Variants in FBXL7 observed in about 807,000 individuals in gnomAD.
The protein encoded by FBXL7 is F-box and leucine rich repeat protein 7.
FBXL7 carries 12 observed loss-of-function variants against 38.3 expected under a neutral mutation model. The ratio of observed to expected loss-of-function variants is 0.31; its 90% CI spans 0.20 to 0.51. The LOEUF (loss-of-function observed/expected upper bound fraction) is 0.51. FBXL7 is among the 20% of genes least tolerant of loss of function. The probability of loss-of-function intolerance (pLI) is 0.98; values close to 1 mark genes in which losing one functional copy is unlikely to be tolerated. For synonymous variants in FBXL7, 297 were observed against 300.9 expected, an observed-to-expected ratio of 0.99 and a Z score of 0.13; for missense variants, 567 against 676.4, an observed-to-expected ratio of 0.84 and a Z score of 1.79.
At chr5:15,617,882 C>T (rs1740506820) in intron 2 of FBXL7, among the ~76,000 whole-genome samples, 1 of 152,172 alleles carries the variant, frequency 6.6e-6, no homozygotes, top group African/African-American at 2.4e-5. Flanking sequence ...ACTCTTGTCA[C>T]CATAACTTGT....
At chr5:15,886,343 G>A (rs1740678482) in intron 2 of FBXL7, among the ~76,000 whole-genome samples, 1 of 152,042 alleles carries the variant, frequency 6.6e-6, no homozygotes, top group East Asian at 1.9e-4. Context: ...AACACAGGCA[G>A]GGGAAAGGCT....
intron 2 of FBXL7, among the ~76,000 whole-genome samples, chr5:15,641,554 G>C (rs1256320311): frequency 6.6e-6 from 1 of 151,046 alleles, no homozygotes; most frequent in Non-Finnish European, 1.5e-5. Context: ...AACTTGACCA[G>C]GTCATAGAGT....
intron 2 of FBXL7, among the ~76,000 whole-genome samples, chr5:15,647,031 C>T (rs1741552882): frequency 6.6e-6 from 1 of 152,136 alleles, no homozygotes; most frequent in Non-Finnish European, 1.5e-5. Context: ...TCTCTGATTA[C>T]CATTTCTGGT....
At chr5:15,904,183 G>C (rs116612058) in intron 2 of FBXL7, among the ~76,000 whole-genome samples, 1 of 152,004 alleles carries the variant, frequency 6.6e-6, no homozygotes, top group African/African-American at 2.4e-5. Flanking sequence ...TAAAGATGTC[G>C]TCTTGTGTTT....
intron 2 of FBXL7, among the ~76,000 whole-genome samples, chr5:15,846,934 GA>G (rs566200438): frequency 5.3e-5 from 8 of 151,690 alleles, no homozygotes; most frequent in African/African-American, 9.7e-5. Flanking sequence ...AAAATTATAA[GA>G]AAAAAATGTT....
chr5:15,700,461 T>C (rs868602070), intron 2 of FBXL7, among the ~76,000 whole-genome samples: 15 of 152,206 alleles, frequency 9.9e-5, no homozygotes, highest in Middle Eastern at 3.2e-3. Flanking sequence ...TAATTCCAAT[T>C]GCATGTCCTT....
intron 2 of FBXL7, among the ~76,000 whole-genome samples, chr5:15,820,237 C>T (rs949573156): frequency 6.6e-6 from 1 of 152,150 alleles, no homozygotes; most frequent in African/African-American, 2.4e-5. Flanking sequence ...ACATTCACCA[C>T]ACACTCCCAC....
chr5:15,913,459 G>A (rs77088723), intron 2 of FBXL7, among the ~76,000 whole-genome samples: 2,272 of 152,200 alleles, frequency 0.015, 45 homozygotes, highest in African/African-American at 0.05. Context: ...TTACATGGTC[G>A]TAAGTTTAGT....
rs141952586 is a variant in FBXL7 at position 15,637,153 on chromosome 5, T to A, written c.127+21081T>A. Among the ~76,000 whole-genome samples, 665 of 152,286 alleles carry A rather than the reference T, an allele frequency of 4.4e-3. 4 individuals are homozygous for A. Among genetic ancestry groups the A allele is most frequent in the African/African-American group, 0.015 (635 of 41,562 alleles). On this transcript the variant is annotated intron_variant, in intron 2 of 3. Transcript: ENST00000504595. The stretch of plus-strand genomic sequence containing the variant: ...TGTCAGAAGTTAGAAAAAATAATGA[T>A]AGCAAAGACTTTAAAATAAAAAATA...
intron 1 of FBXL7, among the ~76,000 whole-genome samples, chr5:15,568,356 A>C (rs1738655664): frequency 6.6e-6 from 1 of 152,090 alleles, no homozygotes; most frequent in South Asian, 2.1e-4. Context: ...GATGATGAGC[A>C]TTTTTTCATG....
intron 2 of FBXL7, among the ~76,000 whole-genome samples, chr5:15,916,646 A>C (rs1289162972): frequency 2.0e-5 from 3 of 152,206 alleles, no homozygotes; most frequent in Non-Finnish European, 2.9e-5. Flanking sequence ...ACCATATCCG[A>C]GGAAAACAAA....
intron 2 of FBXL7, among the ~76,000 whole-genome samples, chr5:15,849,365 T>C (rs746956394): frequency 6.6e-6 from 1 of 152,250 alleles, no homozygotes; most frequent in Non-Finnish European, 1.5e-5. Flanking sequence ...AATTCCTTGA[T>C]ATGGTTTGCT....
chr5:15,842,275 A>G (rs754601567), intron 2 of FBXL7, among the ~76,000 whole-genome samples: 2 of 152,214 alleles, frequency 1.3e-5, no homozygotes, highest in African/African-American at 2.4e-5. Flanking sequence ...GAACTTGAAG[A>G]TTTAATGACT....
chr5:15,913,632 T>C (rs537224435), intron 2 of FBXL7, among the ~76,000 whole-genome samples: 21 of 152,352 alleles, frequency 1.4e-4, no homozygotes, highest in African/African-American at 4.6e-4. Context: ...AACGTTGGAA[T>C]TTTGTAACTA....
intron 1 of FBXL7, among the ~76,000 whole-genome samples, chr5:15,574,511 A>G (rs1379208922): frequency 6.6e-6 from 1 of 152,250 alleles, no homozygotes; most frequent in East Asian, 1.9e-4. Flanking sequence ...TTAGATTAAG[A>G]CTAAAAATAA....
chr5:15,694,884 G>A (rs16867566), intron 2 of FBXL7, among the ~76,000 whole-genome samples: 8,348 of 152,216 alleles, frequency 0.055, 735 homozygotes, highest in African/African-American at 0.19. Context: ...CCAGCTAGAA[G>A]AACAGCCGAG....
chr5:15,755,026 G>A (rs1736254485), intron 2 of FBXL7, among the ~76,000 whole-genome samples: 2 of 152,160 alleles, frequency 1.3e-5, no homozygotes, highest in Admixed American at 1.3e-4. Context: ...AAATAAAGGG[G>A]AATGGCTTGA....
chr5:15,831,536 T>C (rs1738456027), intron 2 of FBXL7, among the ~76,000 whole-genome samples: 1 of 152,190 alleles, frequency 6.6e-6, no homozygotes, highest in African/African-American at 2.4e-5. Context: ...GGTCCAGTGC[T>C]GTGGGGAAAC....
In FBXL7 at chr5:15,707,174, GTTT is replaced by G. The variant is rs71603796; in HGVS notation, c.127+91123_127+91125del. On this transcript the variant is annotated intron_variant, in intron 2 of 3. Coordinates refer to ENST00000504595, the MANE Select transcript of FBXL7 (RefSeq NM_012304.5). ...AGGTAGTGTTTCTTTTTTTCTTTTC[GTTT>G]TTTTTTTTTTTTTTTTTTTTGCAAA... Among the ~76,000 whole-genome samples, 554 of 70,366 alleles carry G rather than the reference GTTT, an allele frequency of 7.9e-3. 2 individuals are homozygous for G. Among genetic ancestry groups the G allele is most frequent in the African/African-American group, 0.029 (494 of 17,096 alleles). The allele number at this position is 70,366 out of a possible 152,430, so 46.2% of individuals were successfully genotyped here. A position where few individuals can be genotyped will look rare whatever the true frequency, so the allele number is the denominator to read the frequency against.
Sources: gnomAD v4.1 joint callset for allele counts (sites outside exome capture counted in the v4.1 genomes callset) on GRCh38, gnomAD v4.1.1 for gene constraint, MANE v1.5 for transcripts, NCBI Gene and HGNC (gene_info 2026-07-23, HGNC 2026-07-21) for gene names.